IKZF1: variants seen among roughly 807,000 people sequenced by gnomAD.
IKZF1 encodes the protein DNA-binding protein Ikaros.
In IKZF1, 10 loss-of-function variants were observed where a neutral mutation model predicts 51.7. That is an observed-to-expected ratio of 0.19 (90% confidence interval 0.12 to 0.33). The LOEUF (loss-of-function observed/expected upper bound fraction) is 0.33. Ranked by LOEUF, IKZF1 falls within the 10% of genes least tolerant of loss-of-function variation. The pLI is 1.00. For synonymous variants in IKZF1, 280 were observed against 282.3 expected, an observed-to-expected ratio of 0.99 and a Z score of 0.08; for missense variants, 484 against 707.5, an observed-to-expected ratio of 0.68 and a Z score of 3.58.
chr7:50,327,521 G>A (rs1004627722), intron 2 of IKZF1, 117 bp from the exon 3 acceptor site: 138 of 1,234,096 alleles, frequency 1.1e-4, no homozygotes, highest in Non-Finnish European at 1.5e-4. Flanking sequence ...CAGCAGAGAA[G>A]CACTGGCTCC....
Position 50,387,464 on chromosome 7 carries a change from T to C in IKZF1, c.709T>C (p.Tyr237His). 6.2e-7 allele frequency: 1 copy of C among 1,610,220 alleles called. No individual in the cohort carries two copies. Among genetic ancestry groups the C allele is most frequent in the Non-Finnish European group, 8.5e-7 (1 of 1,178,454 alleles). ...LESMGLPGTL[Y>H]PVIKEETNHS... is the part of the protein sequence containing the mutation. ...AAGCATGGGCCTTCCGGGCACACTG[T>C]ACCCAGGTAAGCGCTGCTGCTCGGA... The change falls in exon 6 of 8, where the codon TAC becomes CAC. Residue 237 changes from tyrosine (Y) to histidine (H), a missense_variant. By Grantham distance (83) the Tyr-to-His change is moderately conservative. Around this residue, in one of 6 missense-constraint regions of IKZF1, gnomAD observed 172 missense variants for 192.7 expected, o/e 0.89. Transcript: ENST00000331340.
chr7:50,345,228 A>C (rs996657914), intron 3 of IKZF1, among the ~76,000 whole-genome samples: 5 of 152,150 alleles, frequency 3.3e-5, no homozygotes, highest in South Asian at 2.1e-4. Flanking sequence ...TAAAATATTC[A>C]TGGGTATATA....
At chr7:50,315,107 T>C (rs1453159694) in intron 1 of IKZF1, among the ~76,000 whole-genome samples, 1 of 152,196 alleles carries the variant, frequency 6.6e-6, no homozygotes, top group African/African-American at 2.4e-5. Flanking sequence ...TCCTCCTTTG[T>C]AAAGTTATGG....
At chr7:50,385,979 C>T (rs1813273058) in intron 5 of IKZF1, among the ~76,000 whole-genome samples, 1 of 152,166 alleles carries the variant, frequency 6.6e-6, no homozygotes, top group African/African-American at 2.4e-5. Flanking sequence ...AGAGATTTAA[C>T]CAACATAAGC....
At chr7:50,378,582 T>A (rs80071925) in intron 4 of IKZF1, among the ~76,000 whole-genome samples, 10,385 of 152,296 alleles carry the variant, frequency 0.068, 514 homozygotes, top group South Asian at 0.093. Context: ...AAATTCTGGC[T>A]TACTAAATTG....
Position 50,376,947 on chromosome 7 carries a change from CAT to C in IKZF1, c.421+156_421+157del. 3.1e-6 allele frequency: 4 copies of C among 1,293,396 alleles called. No individual in the cohort carries two copies. The East Asian group carries it at 7.6e-5, about 25-fold the overall frequency. 80.1% of individuals were successfully genotyped at this position (1,293,396 alleles called of 1,614,324 possible). Reference sequence around the variant, plus strand: ...CGATTGGTTCCAAGTGGTACCGAGTCATAGAGTCCTTGTTCTGGTACAGCCTT... The same window carrying C: ...CGATTGGTTCCAAGTGGTACCGAGTCAGAGTCCTTGTTCTGGTACAGCCTT... On this transcript the variant is annotated intron_variant, in intron 4 of 7. Transcript: ENST00000331340. The surrounding 1 kb of genome is among the most constrained non-coding windows in gnomAD (Gnocchi z 4.5).
At chr7:50,305,833 T>C (rs961478871) in intron 1 of IKZF1, among the ~76,000 whole-genome samples, 22 of 152,208 alleles carry the variant, frequency 1.4e-4, no homozygotes, top group African/African-American at 5.3e-4. Context: ...AATTTGAAAA[T>C]ACTGCGTATG....
chr7:50,367,648 C>T (rs1484091658), intron 3 of IKZF1: 3 of 190,528 alleles, frequency 1.6e-5, no homozygotes, highest in African/African-American at 2.3e-5. Flanking sequence ...ACGTGCTGTC[C>T]CAGGAGATGC....
intron 6 of IKZF1, among the ~76,000 whole-genome samples, chr7:50,389,088 CG>C (rs1235316259): frequency 5.9e-5 from 9 of 152,286 alleles, no homozygotes; most frequent in African/African-American, 2.2e-4. Context: ...GAGCTGCTTC[CG>C]GGGGAGCAGG....
At chr7:50,398,060 A>G (rs1296016845) in intron 7 of IKZF1, among the ~76,000 whole-genome samples, 4 of 152,246 alleles carry the variant, frequency 2.6e-5, no homozygotes, top group Admixed American at 2.6e-4. Context: ...TAGTAAATGT[A>G]TGAATTACAG....
intron 6 of IKZF1, among the ~76,000 whole-genome samples, chr7:50,391,135 T>C (rs180977271): frequency 6.6e-6 from 1 of 152,344 alleles, no homozygotes; most frequent in East Asian, 1.9e-4. Flanking sequence ...GGCCCACACA[T>C]CAGCATTTAC....
intron 3 of IKZF1, among the ~76,000 whole-genome samples, chr7:50,345,866 C>T (rs932404026): frequency 1.3e-5 from 2 of 152,284 alleles, no homozygotes; most frequent in Admixed American, 1.3e-4. Context: ...GGTGAAACCT[C>T]ATCTCTACTA....
chr7:50,337,154 T>A (rs899956445), intron 3 of IKZF1, among the ~76,000 whole-genome samples: 2 of 151,962 alleles, frequency 1.3e-5, no homozygotes, highest in African/African-American at 2.4e-5. Flanking sequence ...AGCTGTGGGC[T>A]GTCAGGCATC....
Position 50,401,908 on chromosome 7 carries a change from C to T in IKZF1, c.*1281C>T, listed in dbSNP as rs778744986. On this transcript the variant is annotated 3_prime_UTR_variant, in exon 8 of 8. Coordinates refer to ENST00000331340, the MANE Select transcript of IKZF1 (RefSeq NM_006060.6). ...TGTAAAGGCAAGCCAGCATGTGTGT[C>T]CACACATACATAGGATGGCTGGCTC... 3.5e-5 allele frequency: 8 copies of T among 226,442 alleles called. No homozygotes were observed. The highest frequency in any genetic ancestry group is 1.8e-4 in the African/African-American group (8 of 44,904). The allele number at this position is 226,442 out of a possible 1,614,324, so 14.0% of individuals were successfully genotyped here.
intron 1 of IKZF1, among the ~76,000 whole-genome samples, chr7:50,316,542 G>A (rs1449045421): frequency 6.6e-6 from 1 of 152,338 alleles, no homozygotes; most frequent in South Asian, 2.1e-4. Flanking sequence ...TGCTCGCTGT[G>A]GTGTGATCTG....
chr7:50,368,431 ACATGG>A, intron 3 of IKZF1: 2 of 621,512 alleles, frequency 3.2e-6, no homozygotes, highest in Non-Finnish European at 5.8e-6. Context: ...AAAGAACTGA[ACATGG>A]TTTCAAGATA....
chr7:50,368,075 T>C (rs1225768163), intron 3 of IKZF1: 1 of 703,456 alleles, frequency 1.4e-6, no homozygotes, highest in African/African-American at 1.7e-5. Context: ...CGTAAGTATA[T>C]GCCTTGCTTC....
At chr7:50,323,402 T>C (rs922542668) in intron 2 of IKZF1, among the ~76,000 whole-genome samples, 5 of 152,250 alleles carry the variant, frequency 3.3e-5, no homozygotes, top group African/African-American at 1.2e-4. Flanking sequence ...TGGGCAATTG[T>C]GTATAATAAA....
intron 3 of IKZF1, among the ~76,000 whole-genome samples, chr7:50,345,977 C>T (rs529373011): frequency 1.3e-5 from 2 of 152,348 alleles, no homozygotes; most frequent in East Asian, 3.9e-4. Flanking sequence ...GCTTGATGCA[C>T]TGAAATCCAT....
Sources: gnomAD v4.1 joint callset for allele counts (sites outside exome capture counted in the v4.1 genomes callset) on GRCh38, gnomAD v4.1.1 for gene constraint, gnomAD v4.1.1 regional missense constraint, Gnocchi (gnomAD v3.1) non-coding constraint, MANE v1.5 for transcripts, NCBI Gene and HGNC (gene_info 2026-07-23, HGNC 2026-07-21) for gene names.